REPS2: variants seen among roughly 807,000 people sequenced by gnomAD.
REPS2 encodes ralBP1-associated Eps domain-containing protein 2.
A neutral mutation model predicts 53.6 loss-of-function variants in REPS2; 23 were observed. That is an observed-to-expected ratio of 0.43 (90% CI 0.31 to 0.61). The LOEUF is 0.61. Ranked by LOEUF, REPS2 falls within the 20% of genes least tolerant of loss-of-function variation. REPS2 has a pLI of 0.11. For synonymous variants in REPS2, 238 were observed against 218.6 expected (o/e 1.09, Z -0.78); for missense variants, 446 against 534.9 (o/e 0.83, Z 1.64).
intron 1 of REPS2, among the ~76,000 whole-genome samples, chrX:16,992,488 G>A (rs2061176298): frequency 8.9e-6 from 1 of 112,322 alleles, no homozygotes; most frequent in Non-Finnish European, 1.9e-5. Context: ...TATTTGGACT[G>A]ACTCTGCCTT....
At chrX:17,013,624 C>CTGTG (rs10559340) in intron 2 of REPS2, among the ~76,000 whole-genome samples, 45 of 100,216 alleles carry the variant, frequency 4.5e-4, no homozygotes, top group Middle Eastern at 5.0e-3. Flanking sequence ...GTAGCTGGCT[C>CTGTG]TGTGTGTGTG....
intron 13 of REPS2, among the ~76,000 whole-genome samples, chrX:17,079,063 T>C (rs1243009980): frequency 8.9e-6 from 1 of 112,520 alleles, no homozygotes; most frequent in Non-Finnish European, 1.9e-5. Flanking sequence ...ATTTGCATTA[T>C]ATGCTTACCA....
chrX:17,115,009 T>A (rs2063027361), intron 14 of REPS2, among the ~76,000 whole-genome samples: 1 of 109,411 alleles, frequency 9.1e-6, no homozygotes, highest in Non-Finnish European at 1.9e-5. Flanking sequence ...ATTTTTACTT[T>A]CTGAAGGGGT....
Position 17,047,492 on chromosome X carries a change from T to C in REPS2, c.907+10T>C. 1 of 1,208,461 alleles carries C rather than the reference T, an allele frequency of 8.3e-7. No homozygotes were observed. Among genetic ancestry groups the C allele is most frequent in the Non-Finnish European group, 1.1e-6 (1 of 894,257 alleles). On this transcript the variant is annotated intron_variant, in intron 6 of 17. Transcript: ENST00000357277. ...AGCTCTTTCATTTCAGGTAAGAATG[T>C]GGGCTCCCTAGGCATCACTCTCACC...
intron 9 of REPS2, among the ~76,000 whole-genome samples, chrX:17,063,677 G>T (rs1164599872): frequency 2.7e-5 from 3 of 111,423 alleles, no homozygotes; most frequent in African/African-American, 9.8e-5. Context: ...TCTGCAGAAT[G>T]CTTATGACAA....
chrX:17,043,967 G>A (rs1465440787), intron 5 of REPS2, among the ~76,000 whole-genome samples: 3 of 112,600 alleles, frequency 2.7e-5, no homozygotes, highest in Admixed American at 9.4e-5. Context: ...ATGTGCAGTC[G>A]GAAAGCCTGC....
chrX:16,982,535 T>C (rs753603424), intron 1 of REPS2, among the ~76,000 whole-genome samples: 1 of 112,297 alleles, frequency 8.9e-6, no homozygotes, highest in African/African-American at 3.2e-5. Context: ...TTTTATAGGC[T>C]GTGTGAATTT....
chrX:17,185,780 CA>C, the REPS2 span, among the ~76,000 whole-genome samples: 1 of 111,243 alleles, frequency 9.0e-6, no homozygotes, highest in Non-Finnish European at 1.9e-5. Context: ...AAAATCTTCT[CA>C]AAAGGGCACA....
chrX:16,976,002 T>G (rs1602569360), intron 1 of REPS2, among the ~76,000 whole-genome samples: 1 of 112,107 alleles, frequency 8.9e-6, no homozygotes, highest in Non-Finnish European at 1.9e-5. Flanking sequence ...CACAATGTTG[T>G]GCAACCATCA....
chrX:16,986,051 G>A (rs1369526666), intron 1 of REPS2, among the ~76,000 whole-genome samples: 1 of 112,004 alleles, frequency 8.9e-6, no homozygotes, highest in African/African-American at 3.2e-5. Context: ...CCAGGATGAG[G>A]ATAAAAATTA....
chrX:17,099,527 T>C (rs1376557766), intron 13 of REPS2, among the ~76,000 whole-genome samples: 4 of 112,062 alleles, frequency 3.6e-5, no homozygotes, highest in African/African-American at 1.3e-4. Context: ...CTTTGCTTTT[T>C]CTCAGCAAAG....
intron 13 of REPS2, chrX:17,099,657 A>T: frequency 2.4e-6 from 1 of 424,450 alleles, no homozygotes; most frequent in Admixed American, 4.0e-5. Context: ...CAGAAACGAT[A>T]CTGGCTCTTC....
intron 14 of REPS2, among the ~76,000 whole-genome samples, chrX:17,123,011 A>G (rs2148117602): frequency 8.9e-6 from 1 of 112,433 alleles, no homozygotes; most frequent in East Asian, 2.8e-4. Context: ...ATTTGTATAT[A>G]CATTTGTTAT....
At chrX:17,099,931 C>G (rs150329226) in intron 13 of REPS2, 7 of 1,130,975 alleles carry the variant, frequency 6.2e-6, no homozygotes, top group African/African-American at 3.6e-5. Flanking sequence ...AACATGAGCT[C>G]TCCACTGGAG....
At chrX:17,184,587 C>A in the REPS2 span, among the ~76,000 whole-genome samples, 1 of 109,359 alleles carries the variant, frequency 9.1e-6, no homozygotes, top group East Asian at 2.9e-4. Flanking sequence ...AGTTCTAGAT[C>A]CCTGAGGAAT....
intron 3 of REPS2, among the ~76,000 whole-genome samples, chrX:17,024,387 T>TTA (rs397896435): frequency 8.7e-5 from 9 of 102,885 alleles, no homozygotes; most frequent in African/African-American, 3.2e-4. Context: ...TTTTTTTTTT[T>TTA]AAAGAGGAAA....
At position 17,059,176 on chromosome X, in the gene REPS2, A is replaced by T. The variant is rs779658282; in HGVS notation, c.1115-3262A>T. The stretch of plus-strand genomic sequence containing the variant: ...CAGGCACATGCCACCATGCCCGGCT[A>T]ATTTTTTGTATTTTTAGTAGAGATG... On this transcript the variant is annotated intron_variant, in intron 8 of 17. Coordinates refer to ENST00000357277, the MANE Select transcript of REPS2 (RefSeq NM_004726.3). Among the ~76,000 whole-genome samples, 4 of 107,601 alleles carry T rather than the reference A, an allele frequency of 3.7e-5. No individual in the cohort carries two copies. In the East Asian group the frequency reaches 8.8e-4, roughly 24 times the overall value. 93.4% of individuals were successfully genotyped at this position (107,601 alleles called of 115,157 possible). A position where few individuals can be genotyped will look rare whatever the true frequency, so the allele number is the denominator to read the frequency against.
the REPS2 span, among the ~76,000 whole-genome samples, chrX:17,165,493 T>C: frequency 0.015 from 1,711 of 111,576 alleles, 37 homozygotes; most frequent in African/African-American, 0.051. Context: ...TCATGTGGCT[T>C]TCCCCAGAAT....
At chrX:17,107,237 T>G (rs1483172338) in intron 14 of REPS2, among the ~76,000 whole-genome samples, 1 of 112,430 alleles carries the variant, frequency 8.9e-6, no homozygotes, top group Non-Finnish European at 1.9e-5. Flanking sequence ...AGTTATAGAA[T>G]CGGTTCATAG....
Sources: allele counts gnomAD v4.1 joint callset (sites outside exome capture counted in the v4.1 genomes callset), GRCh38; gene constraint gnomAD v4.1.1; transcripts MANE v1.5; gene names NCBI Gene and HGNC (gene_info 2026-07-23, HGNC 2026-07-21).